The following CARMIL1 variants were observed in gnomAD, a reference collection of about 807,000 sequenced individuals.
The protein encoded by CARMIL1 is capping protein regulator and myosin 1 linker 1.
CARMIL1 carries 90 observed loss-of-function variants against 177.1 expected under a neutral mutation model. The observed-to-expected ratio is 0.51, with a 90% CI of 0.43 to 0.61. CARMIL1 has a LOEUF of 0.61. Among genes scored for constraint, CARMIL1 ranks in the 20% least tolerant of loss-of-function variants. CARMIL1 has a pLI of 0.00. For synonymous variants in CARMIL1, 577 were observed against 606.2 expected (o/e 0.95, Z 0.71); for missense variants, 1,380 against 1,667.0 (o/e 0.83, Z 3.00).
At chr6:25,437,575 G>A (rs1156858364) in intron 5 of CARMIL1, among the ~76,000 whole-genome samples, 4 of 152,074 alleles carry the variant, frequency 2.6e-5, no homozygotes, top group Non-Finnish European at 5.9e-5. Flanking sequence ...CCAGGTCTTC[G>A]TCCCCACCTA....
At position 25,493,717 on chromosome 6, in the gene CARMIL1, G is replaced by A. The variant is rs1803445130; in HGVS notation, c.1221-1394G>A. ...ATGGCCAAGCCTGCTGTCAGTAGAG[G>A]GATGAAGCATCATCCTTCTTCAAAA... On this transcript the variant is annotated intron_variant, in intron 15 of 36. Coordinates refer to ENST00000329474, the MANE Select transcript of CARMIL1 (RefSeq NM_017640.6). Among the ~76,000 whole-genome samples, 3 of 152,130 alleles carry A rather than the reference G, an allele frequency of 2.0e-5. No individual in the cohort carries two copies. The South Asian group carries it at 6.2e-4, about 31-fold the overall frequency.
intron 20 of CARMIL1, 125 bp downstream of exon 20, chr6:25,510,887 T>A (rs1582196319): frequency 3.2e-6 from 2 of 626,392 alleles, no homozygotes; most frequent in East Asian, 5.6e-5. Flanking sequence ...TTTCCATTAC[T>A]TTTTAAAAAT....
At position 25,323,996 on chromosome 6, in the gene CARMIL1, A is replaced by T. The variant is rs138875387; in HGVS notation, c.138+39087A>T. ...CTGTTATGGCAGAAGGCAAAAAGGC[A>T]CAGAGAAAAGAGATAGAGGACAAGC... is the stretch of plus-strand genomic sequence containing the variant. On this transcript the variant is annotated intron_variant, in intron 2 of 36. Coordinates refer to ENST00000329474, the MANE Select transcript of CARMIL1 (RefSeq NM_017640.6). Among the ~76,000 whole-genome samples the T allele has an allele frequency of 2.1e-4, 32 of 152,368 alleles. No individual in the cohort carries two copies. The East Asian group carries it at 5.4e-3, about 26-fold the overall frequency.
At chr6:25,510,891 T>A (rs1182082511) in intron 20 of CARMIL1, 129 bp downstream of exon 20, 1 of 618,270 alleles carries the variant, frequency 1.6e-6, no homozygotes. Context: ...CATTACTTTT[T>A]AAAAATGGAA....
At chr6:25,362,034 TAC>T (rs1047995446) in intron 2 of CARMIL1, among the ~76,000 whole-genome samples, 2 of 151,906 alleles carry the variant, frequency 1.3e-5, no homozygotes, top group Admixed American at 6.6e-5. Context: ...AAAAATAAAT[TAC>T]ACAGTCTGTG....
chr6:25,357,730 C>T (rs1212895379), intron 2 of CARMIL1, among the ~76,000 whole-genome samples: 2 of 152,134 alleles, frequency 1.3e-5, no homozygotes, highest in Non-Finnish European at 2.9e-5. Context: ...ACCTGTAGTT[C>T]TGTGGTTAAT....
intron 36 of CARMIL1, among the ~76,000 whole-genome samples, chr6:25,618,114 G>A (rs1021312493): frequency 6.6e-6 from 1 of 151,948 alleles, no homozygotes; most frequent in Non-Finnish European, 1.5e-5. Flanking sequence ...AATTTTTATT[G>A]TCTAAATACC....
intron 13 of CARMIL1, among the ~76,000 whole-genome samples, chr6:25,490,332 CAG>C (rs1050152518): frequency 4.0e-5 from 6 of 151,834 alleles, no homozygotes; most frequent in South Asian, 2.1e-4. Flanking sequence ...GCCAGGCAAA[CAG>C]AGAGAGAGAG....
chr6:25,320,756 A>G (rs985971459), intron 2 of CARMIL1, among the ~76,000 whole-genome samples: 1 of 152,220 alleles, frequency 6.6e-6, no homozygotes, highest in African/African-American at 2.4e-5. Context: ...GGCTTTTCCA[A>G]AGGATCCCAG....
At chr6:25,473,695 A>G (rs1360215628) in intron 11 of CARMIL1, among the ~76,000 whole-genome samples, 5 of 152,196 alleles carry the variant, frequency 3.3e-5, no homozygotes, top group Non-Finnish European at 7.4e-5. Context: ...CATGTTGTTC[A>G]AGAGTCAACA....
chr6:25,368,047 A>G (rs1383181323), intron 2 of CARMIL1, among the ~76,000 whole-genome samples: 3 of 152,218 alleles, frequency 2.0e-5, no homozygotes, highest in Non-Finnish European at 4.4e-5. Context: ...GGCGTGAGCC[A>G]CCGCACCCGG....
rs1812723170 is a variant in CARMIL1 at position 25,577,650 on chromosome 6, G to C, written c.2743-3274G>C. 6.6e-6 allele frequency among the ~76,000 whole-genome samples: 1 copy of C among 151,978 alleles called. No individual in the cohort carries two copies. Among genetic ancestry groups the C allele is most frequent in the Non-Finnish European group, 1.5e-5 (1 of 67,978 alleles). ...GTCTAGGAATTACATGTTAAAAGTGGGTTTGACAGGAAAAAAATGTTACGT... is the reference window on the plus strand; with the variant it reads ...GTCTAGGAATTACATGTTAAAAGTGCGTTTGACAGGAAAAAAATGTTACGT... On this transcript the variant is annotated intron_variant, in intron 29 of 36. Transcript: ENST00000329474. This position sits in a 1 kb window ranked among gnomAD's most constrained non-coding sequence, Gnocchi z 4.5.
chr6:25,552,122 T>G (rs1472057595), intron 27 of CARMIL1, among the ~76,000 whole-genome samples: 2 of 152,112 alleles, frequency 1.3e-5, no homozygotes, highest in South Asian at 4.1e-4. Context: ...TTGGAAGGAC[T>G]TGAGAAATTT....
chr6:25,519,820 G>A lies in CARMIL1; in HGVS notation c.1875-424G>A, dbSNP rs576799024. Among the ~76,000 whole-genome samples the A allele has an allele frequency of 2.6e-5, 4 of 152,210 alleles. No homozygotes were observed. In the East Asian group the frequency reaches 7.7e-4, roughly 29 times the overall value. ...TCTGTTTTTTTCCTTTACCAGTTTGGGGCTGGTTGTCACACATAATCACTG... is the reference window on the plus strand; with the variant it reads ...TCTGTTTTTTTCCTTTACCAGTTTGAGGCTGGTTGTCACACATAATCACTG... On this transcript the variant is annotated intron_variant, in intron 22 of 36. Transcript: ENST00000329474.
At chr6:25,604,973 A>G in intron 34 of CARMIL1, 80 bp downstream of exon 34, 1 of 1,153,342 alleles carries the variant, frequency 8.7e-7, no homozygotes, top group Non-Finnish European at 1.2e-6. Flanking sequence ...GACAGAAGAA[A>G]AATTTAAACA....
intron 2 of CARMIL1, among the ~76,000 whole-genome samples, chr6:25,402,302 C>T (rs1382165819): frequency 6.6e-6 from 1 of 152,084 alleles, no homozygotes; most frequent in Non-Finnish European, 1.5e-5. Flanking sequence ...GTTGAATACG[C>T]GTCAAGGAAG....
chr6:25,282,749 A>G (rs939672005), intron 1 of CARMIL1, among the ~76,000 whole-genome samples: 2 of 152,132 alleles, frequency 1.3e-5, no homozygotes, highest in Non-Finnish European at 2.9e-5. Context: ...CTTATTTCCT[A>G]TGCCTTCAAG....
intron 2 of CARMIL1, among the ~76,000 whole-genome samples, chr6:25,402,307 A>G (rs938822654): frequency 6.6e-6 from 1 of 152,210 alleles, no homozygotes; most frequent in Non-Finnish European, 1.5e-5. Context: ...ATACGCGTCA[A>G]GGAAGAAAAT....
chr6:25,569,388 G>A (rs2151214024), intron 29 of CARMIL1, among the ~76,000 whole-genome samples: 1 of 152,210 alleles, frequency 6.6e-6, no homozygotes, highest in African/African-American at 2.4e-5. Context: ...GGGTTTTAGG[G>A]CCTAATTTCA....
Sources: gnomAD v4.1 joint callset for allele counts (sites outside exome capture counted in the v4.1 genomes callset) on GRCh38, gnomAD v4.1.1 for gene constraint, Gnocchi (gnomAD v3.1) non-coding constraint, MANE v1.5 for transcripts, NCBI Gene and HGNC (gene_info 2026-07-23, HGNC 2026-07-21) for gene names.